Variants in MTREX observed in about 807,000 individuals in gnomAD.
MTREX encodes Mtr4 exosome RNA helicase, also known as exosome RNA helicase MTR4.
A neutral mutation model predicts 135.4 loss-of-function variants in MTREX; 76 were observed. The ratio of observed to expected loss-of-function variants is 0.56; its 90% CI spans 0.47 to 0.68. The LOEUF (loss-of-function observed/expected upper bound fraction) is 0.68, where lower values mean the gene tolerates loss of function less well. Ranked by LOEUF, MTREX falls within the 30% of genes least tolerant of loss-of-function variation. MTREX has a pLI of 0.00. For missense variants in MTREX, 920 were observed against 1,262.1 expected (o/e 0.73, Z 4.11); for synonymous variants, 404 against 401.6 (o/e 1.01, Z -0.07).
chr5:55,323,113 G>A (rs1321628963), intron 2 of MTREX, among the ~76,000 whole-genome samples: 1 of 151,946 alleles, frequency 6.6e-6, no homozygotes, highest in African/African-American at 2.4e-5. Flanking sequence ...GTTAACTTTT[G>A]TTACAGTTAG....
chr5:55,348,422 A>G (rs542614843), intron 11 of MTREX, among the ~76,000 whole-genome samples: 25 of 152,316 alleles, frequency 1.6e-4, no homozygotes, highest in Non-Finnish European at 3.1e-4. Flanking sequence ...GACACATTCA[A>G]ACCAAACCAC....
chr5:55,358,444 T>G (rs906081199), intron 14 of MTREX, 129 bp from the exon 15 acceptor site: 11 of 775,238 alleles, frequency 1.4e-5, no homozygotes, highest in Non-Finnish European at 1.9e-5. Context: ...AAACTTCATG[T>G]TGTTTTTAAT....
At position 55,323,898 on chromosome 5, in the gene MTREX, C is replaced by T. The variant is rs563758470; in HGVS notation, c.273-234C>T. 5.3e-5 allele frequency among the ~76,000 whole-genome samples: 8 copies of T among 152,216 alleles called. No individual in the cohort carries two copies. In the South Asian group the frequency reaches 1.2e-3, roughly 24 times the overall value. On this transcript the variant is annotated intron_variant, in intron 2 of 26. Coordinates refer to ENST00000230640, the MANE Select transcript of MTREX (RefSeq NM_015360.5). ...TGACATAATTATTTGAATAATCACTCGGCAGTCTGTTCTGTATCTGTAATA... is the reference window on the plus strand; with the variant it reads ...TGACATAATTATTTGAATAATCACTTGGCAGTCTGTTCTGTATCTGTAATA...
At chr5:55,330,960 G>T (rs569183504) in intron 5 of MTREX, among the ~76,000 whole-genome samples, 9 of 151,520 alleles carry the variant, frequency 5.9e-5, no homozygotes, top group African/African-American at 2.2e-4. Context: ...TTATTGCAGT[G>T]TCTTAATCTG....
In MTREX at chr5:55,405,497, A is replaced by C. The variant is rs1750789764; in HGVS notation, c.2554A>C (p.Lys852Gln). The change falls in exon 22 of 27, where the codon AAA becomes CAA. Residue 852 changes from lysine to glutamine, a missense_variant. Coordinates refer to ENST00000230640, the MANE Select transcript of MTREX (RefSeq NM_015360.5). The part of the protein sequence containing the change: ...ARTVLQMDEL[K>Q]CRKRVLRRLG... ...AACAGTCCTACAAATGGATGAACTC[A>C]AATGTCGCAAACGTGTTTTAAGAAG... is the stretch of plus-strand genomic sequence containing the variant. 6.2e-7 allele frequency: 1 copy of C among 1,613,946 alleles called. No individual in the cohort carries two copies. Among genetic ancestry groups the C allele is most frequent in the African/African-American group, 1.3e-5 (1 of 74,940 alleles).
chr5:55,401,236 T>C (rs1750719407), intron 21 of MTREX, among the ~76,000 whole-genome samples: 1 of 152,200 alleles, frequency 6.6e-6, no homozygotes, highest in Admixed American at 6.5e-5. Flanking sequence ...GGTTTCGCCA[T>C]GTTGGCCAGG....
chr5:55,385,670 T>G (rs1323965549), intron 18 of MTREX, among the ~76,000 whole-genome samples: 1 of 152,180 alleles, frequency 6.6e-6, no homozygotes, highest in Non-Finnish European at 1.5e-5. Flanking sequence ...CTTAGGACTG[T>G]TTCCAGAAAA....
chr5:55,387,903 TA>T, intron 18 of MTREX, 70 bp from the exon 19 acceptor site: 3 of 1,444,988 alleles, frequency 2.1e-6, no homozygotes, highest in Non-Finnish European at 2.8e-6. Flanking sequence ...ATAGTTCCTA[TA>T]CAGATGGAAC....
chr5:55,388,697 C>T (rs143417913), intron 19 of MTREX, among the ~76,000 whole-genome samples: 3 of 152,184 alleles, frequency 2.0e-5, no homozygotes, highest in Non-Finnish European at 2.9e-5. Flanking sequence ...TTTGACCTAA[C>T]GATATTTTCT....
intron 5 of MTREX, among the ~76,000 whole-genome samples, chr5:55,334,698 C>T (rs1749526433): frequency 6.6e-6 from 1 of 151,960 alleles, no homozygotes; most frequent in African/African-American, 2.4e-5. Context: ...AGAAGACTTC[C>T]ATCTATTTAG....
chr5:55,410,358 A>G (rs1750866812), intron 22 of MTREX, among the ~76,000 whole-genome samples, 166 bp from the exon 23 acceptor site: 1 of 152,152 alleles, frequency 6.6e-6, no homozygotes, highest in African/African-American at 2.4e-5. Context: ...TATATTGGTA[A>G]TTATTAAAGA....
chr5:55,414,839 G>A (rs545267050), intron 24 of MTREX, among the ~76,000 whole-genome samples: 4 of 152,068 alleles, frequency 2.6e-5, no homozygotes, highest in Admixed American at 6.6e-5. Flanking sequence ...TAGTAGAGAC[G>A]AGGTTTCACC....
intron 20 of MTREX, among the ~76,000 whole-genome samples, chr5:55,399,619 C>T (rs1380530033): frequency 1.3e-5 from 2 of 152,122 alleles, no homozygotes; most frequent in Non-Finnish European, 2.9e-5. Flanking sequence ...TCCCTAGTAG[C>T]TGGGACTACA....
chr5:55,398,992 T>G (rs1750684127), intron 20 of MTREX, among the ~76,000 whole-genome samples: 1 of 152,202 alleles, frequency 6.6e-6, no homozygotes, highest in South Asian at 2.1e-4. Flanking sequence ...AATAAAGATT[T>G]CCCTTTAGCT....
chr5:55,416,271 A>C (rs930602437), intron 25 of MTREX, 139 bp downstream of exon 25: 30 of 537,720 alleles, frequency 5.6e-5, no homozygotes, highest in Non-Finnish European at 8.7e-5. Context: ...TATAGATTAA[A>C]AAATATTCTC....
chr5:55,313,227 A>G (rs1009601818), intron 1 of MTREX, among the ~76,000 whole-genome samples: 2 of 151,126 alleles, frequency 1.3e-5, no homozygotes, highest in Admixed American at 6.6e-5. Flanking sequence ...GCCTGAGCCC[A>G]GGAGTTCGGG....
rs964515644 is a variant in MTREX at position 55,375,311 on chromosome 5, A to G, written c.1811-3003A>G. ...GGAGCGCTATGGGAGACTGGGGTCT[A>G]TTTCACCCCGGCAGTCTCGAACATA... On this transcript the variant is annotated intron_variant, in intron 16 of 26. Coordinates refer to ENST00000230640, the MANE Select transcript of MTREX (RefSeq NM_015360.5). Among the ~76,000 whole-genome samples, 4 of 152,112 alleles carry G rather than the reference A, an allele frequency of 2.6e-5. No homozygotes were observed. In the East Asian group the frequency reaches 5.8e-4, roughly 22 times the overall value.
chr5:55,339,451 T>A (rs926965894), intron 5 of MTREX, among the ~76,000 whole-genome samples: 2 of 152,224 alleles, frequency 1.3e-5, no homozygotes, highest in Non-Finnish European at 2.9e-5. Flanking sequence ...AATGTTAAGT[T>A]TAATGCTATC....
chr5:55,345,214 T>A lies in MTREX; in HGVS notation c.1108+18T>A. 6.7e-7 allele frequency: 1 copy of A among 1,483,144 alleles called. No homozygotes were observed. Among genetic ancestry groups the A allele is most frequent in the Non-Finnish European group, 9.4e-7 (1 of 1,064,902 alleles). 91.9% of individuals were successfully genotyped at this position (1,483,144 alleles called of 1,614,324 possible). ...AACAAAAGGTAATTTGGAACTTTGCTTTGAGAGAATTTTACATGTAAATTG... is the reference window on the plus strand; with the variant it reads ...AACAAAAGGTAATTTGGAACTTTGCATTGAGAGAATTTTACATGTAAATTG... On this transcript the variant is annotated intron_variant, in intron 10 of 26. Coordinates refer to ENST00000230640, the MANE Select transcript of MTREX (RefSeq NM_015360.5).
Sources: allele counts gnomAD v4.1 joint callset (sites outside exome capture counted in the v4.1 genomes callset), GRCh38; gene constraint gnomAD v4.1.1; transcripts MANE v1.5; gene names NCBI Gene and HGNC (gene_info 2026-07-23, HGNC 2026-07-21).